ARHGEF26: variants seen among roughly 807,000 people sequenced by gnomAD.
ARHGEF26 encodes Rho guanine nucleotide exchange factor 26, also known as Rho guanine nucleotide exchange factor (GEF) 26.
A neutral mutation model predicts 89.4 loss-of-function variants in ARHGEF26; 59 were observed. The ratio of observed to expected loss-of-function variants is 0.66; its 90% CI spans 0.54 to 0.82. ARHGEF26 has a LOEUF of 0.82. Among genes scored for constraint, ARHGEF26 ranks in the 40% least tolerant of loss-of-function variants. The probability of loss-of-function intolerance (pLI) is 0.00; values close to 1 mark genes in which losing one functional copy is unlikely to be tolerated. For synonymous variants in ARHGEF26, 500 were observed against 428.4 expected (o/e 1.17, Z -2.06); for missense variants, 1,234 against 1,085.6 (o/e 1.14, Z -1.92).
chr3:154,208,656 GA>G (rs1715178394), intron 9 of ARHGEF26, among the ~76,000 whole-genome samples: 1 of 150,840 alleles, frequency 6.6e-6, no homozygotes, highest in Middle Eastern at 3.2e-3. Context: ...TATCTCCTCT[GA>G]CTGTGTATTT....
chr3:154,122,748 G>A lies in ARHGEF26; in HGVS notation c.756G>A (p.Pro252=). 1 of 1,612,316 alleles carries A rather than the reference G, an allele frequency of 6.2e-7. No homozygotes were observed. The highest frequency in any genetic ancestry group is 8.5e-7 in the Non-Finnish European group (1 of 1,179,108). ...AAGTGGGGAAGCAGCAGATCATTCCGAAGAGTCTGGCCTCGGAAATTAAAA... is the reference window on the plus strand; with the variant it reads ...AAGTGGGGAAGCAGCAGATCATTCCAAAGAGTCTGGCCTCGGAAATTAAAA... ...ALKVGKQQII[P]KSLASEIKIS... The change falls in exon 2 of 15, where the codon CCG becomes CCA. Residue 252 remains proline (P), a synonymous_variant. Transcript: ENST00000465093.
chr3:154,213,216 A>AGAGAGTGTGT (rs1553747872), intron 9 of ARHGEF26, among the ~76,000 whole-genome samples: 1 of 141,930 alleles, frequency 7.0e-6, no homozygotes, highest in African/African-American at 2.6e-5. Flanking sequence ...AGAGAGAGAG[A>AGAGAGTGTGT]GTGTGTGTGT....
intron 6 of ARHGEF26, among the ~76,000 whole-genome samples, chr3:154,179,131 T>G (rs181479205): frequency 2.0e-5 from 3 of 152,220 alleles, no homozygotes; most frequent in Non-Finnish European, 4.4e-5. Flanking sequence ...TTCCTTTTAG[T>G]TATGGACCCC....
chr3:154,179,515 G>A (rs1386191839), intron 6 of ARHGEF26, among the ~76,000 whole-genome samples: 4 of 146,942 alleles, frequency 2.7e-5, no homozygotes, highest in Admixed American at 1.4e-4. Flanking sequence ...GAATTGAACA[G>A]AGAGGGCTAG....
At chr3:154,140,682 G>A (rs757107195) in intron 4 of ARHGEF26, among the ~76,000 whole-genome samples, 1 of 147,296 alleles carries the variant, frequency 6.8e-6, no homozygotes, top group Non-Finnish European at 1.5e-5. Context: ...CCTCCCATAA[G>A]CGATTCTTCT....
At chr3:154,181,658 G>A (rs1335381347) in intron 6 of ARHGEF26, among the ~76,000 whole-genome samples, 1 of 152,100 alleles carries the variant, frequency 6.6e-6, no homozygotes, top group Non-Finnish European at 1.5e-5. Context: ...AGAAAATGCA[G>A]CTGGCATTGA....
chr3:154,149,013 G>A (rs1477118943), intron 4 of ARHGEF26, among the ~76,000 whole-genome samples: 1 of 152,084 alleles, frequency 6.6e-6, no homozygotes, highest in African/African-American at 2.4e-5. Flanking sequence ...TTGACTAAAA[G>A]CATGAGCCCT....
At chr3:154,237,211 C>A (rs1279419912) in intron 11 of ARHGEF26, among the ~76,000 whole-genome samples, 1 of 152,040 alleles carries the variant, frequency 6.6e-6, no homozygotes, top group Admixed American at 6.6e-5. Flanking sequence ...CTACTTCTGT[C>A]TTTATCCCCC....
In ARHGEF26 at chr3:154,254,782, C is replaced by T. The variant is rs1452971964; in HGVS notation, c.2431C>T (p.Gln811Ter). Residue 811 changes from glutamine to a stop codon, truncating the protein, a stop_gained, in exon 14 of 15, where the codon CAG becomes TAG. Transcript: ENST00000465093. LOFTEE classifies it high-confidence loss of function. Reference sequence around the variant, plus strand: ...TAAGCAGCCAGATGAACTCTCCCTGCAGGTGGCTGACGTCGTCCTCATCTA... The same window carrying T: ...TAAGCAGCCAGATGAACTCTCCCTGTAGGTGGCTGACGTCGTCCTCATCTA... Reference protein sequence around the residue: ...TAKQPDELSLQVADVVLIYQR... With the variant: ...TAKQPDELSL The T allele has an allele frequency of 2.5e-6, 4 of 1,613,762 alleles. No individual in the cohort carries two copies. The highest frequency in any genetic ancestry group is 3.4e-6 in the Non-Finnish European group (4 of 1,179,834).
chr3:154,150,303 A>T (rs972837943), intron 5 of ARHGEF26, among the ~76,000 whole-genome samples: 1 of 152,098 alleles, frequency 6.6e-6, no homozygotes, highest in Non-Finnish European at 1.5e-5. Flanking sequence ...TTTAAAAAGA[A>T]CATAAAACTG....
chr3:154,232,395 A>T (rs1020058859), intron 11 of ARHGEF26, among the ~76,000 whole-genome samples: 1 of 152,138 alleles, frequency 6.6e-6, no homozygotes, highest in African/African-American at 2.4e-5. Context: ...TGTTTGTTAG[A>T]CTTCAGAATT....
intron 12 of ARHGEF26, among the ~76,000 whole-genome samples, chr3:154,244,856 A>C (rs1717700599): frequency 6.6e-6 from 1 of 152,006 alleles, no homozygotes; most frequent in East Asian, 1.9e-4. Context: ...TTCTAGTAAC[A>C]AATTTTATTC....
rs377623820 is a variant in ARHGEF26, at chr3:154,240,538, C to T, written c.2259C>T (p.His753=). 2.7e-4 allele frequency: 435 copies of T among 1,612,696 alleles called. 3 individuals carry two copies. The South Asian group carries it at 4.3e-3, about 16-fold the overall frequency. ...HLFTLTVLSN[H]ANEKVEMLLG... Reference sequence around the variant, plus strand: ...TTACTCTGACAGTCCTTAGTAACCACGCGAATGAGAAAGTGGAGATGCTAC... The same window carrying T: ...TTACTCTGACAGTCCTTAGTAACCATGCGAATGAGAAAGTGGAGATGCTAC... Residue 753 remains histidine (H), a synonymous_variant, in exon 12 of 15, where the codon CAC becomes CAT. Coordinates refer to ENST00000465093, the MANE Select transcript of ARHGEF26 (RefSeq NM_015595.4).
intron 4 of ARHGEF26, among the ~76,000 whole-genome samples, chr3:154,145,334 TATA>T (rs1719634547): frequency 6.6e-6 from 1 of 152,208 alleles, no homozygotes; most frequent in East Asian, 1.9e-4. Flanking sequence ...TGTCCTGTGG[TATA>T]ATTTTACTTT....
At chr3:154,230,010 T>C (rs1212433811) in intron 11 of ARHGEF26, among the ~76,000 whole-genome samples, 1 of 152,222 alleles carries the variant, frequency 6.6e-6, no homozygotes, top group Admixed American at 6.5e-5. Flanking sequence ...GTCTAAATAC[T>C]GTTGTTCCTA....
At chr3:154,175,990 T>C (rs951537186) in intron 6 of ARHGEF26, among the ~76,000 whole-genome samples, 1 of 152,204 alleles carries the variant, frequency 6.6e-6, no homozygotes, top group African/African-American at 2.4e-5. Flanking sequence ...CCAGGGCATT[T>C]TGGGGCTCTG....
chr3:154,202,867 G>A (rs571837649), intron 9 of ARHGEF26, among the ~76,000 whole-genome samples: 2 of 152,152 alleles, frequency 1.3e-5, no homozygotes, highest in Admixed American at 6.5e-5. Context: ...AGACTTCGCT[G>A]AAGTTGCCTA....
intron 4 of ARHGEF26, among the ~76,000 whole-genome samples, chr3:154,137,471 T>G (rs758666243): frequency 6.6e-6 from 1 of 152,210 alleles, no homozygotes; most frequent in Non-Finnish European, 1.5e-5. Flanking sequence ...GGTATTCTGT[T>G]GTAAGCACCC....
chr3:154,150,775 T>A (rs1719974548), intron 5 of ARHGEF26, among the ~76,000 whole-genome samples: 1 of 152,146 alleles, frequency 6.6e-6, no homozygotes, highest in Admixed American at 6.6e-5. Flanking sequence ...CTTTTAAACC[T>A]TATATAACCT....
Sources: gnomAD v4.1 joint callset for allele counts (sites outside exome capture counted in the v4.1 genomes callset) on GRCh38, gnomAD v4.1.1 for gene constraint, MANE v1.5 for transcripts, NCBI Gene and HGNC (gene_info 2026-07-23, HGNC 2026-07-21) for gene names.